NTRK3: variants seen among roughly 807,000 people sequenced by gnomAD.
NTRK3 encodes NT-3 growth factor receptor.
NTRK3 carries 24 observed loss-of-function variants against 91.7 expected under a neutral mutation model. The observed-to-expected ratio is 0.26, with a 90% CI of 0.19 to 0.37. The LOEUF (loss-of-function observed/expected upper bound fraction) is 0.37. Among genes scored for constraint, NTRK3 ranks in the 10% least tolerant of loss-of-function variants. The pLI, the probability that NTRK3 is intolerant of heterozygous loss-of-function variation, is 1.00. For missense variants in NTRK3, 880 were observed against 1,068.9 expected (o/e 0.82, Z 2.46); for synonymous variants, 483 against 404.0 (o/e 1.20, Z -2.34).
exon 19 of NTRK3, chr15:87,875,597 G>A (rs899677788): frequency 4.3e-5 from 10 of 232,644 alleles, no homozygotes; most frequent in South Asian, 1.8e-4. Flanking sequence ...CAGCCCCTGC[G>A]TTTTCACAAC....
intron 3 of NTRK3, among the ~76,000 whole-genome samples, chr15:88,254,484 G>A (rs907259776): frequency 6.6e-6 from 1 of 152,118 alleles, no homozygotes; most frequent in African/African-American, 2.4e-5. Flanking sequence ...CCTGGGCCAG[G>A]AGTCAGAGAC....
chr15:88,109,288 C>T (rs1567426858), intron 13 of NTRK3, among the ~76,000 whole-genome samples: 1 of 152,174 alleles, frequency 6.6e-6, no homozygotes, highest in African/African-American at 2.4e-5. Context: ...GGCGTTCAGT[C>T]ACCTCACCAA....
chr15:88,076,092 G>A (rs1026850160), intron 13 of NTRK3, among the ~76,000 whole-genome samples: 5 of 152,152 alleles, frequency 3.3e-5, no homozygotes, highest in South Asian at 2.1e-4. Flanking sequence ...CTGAGACTGC[G>A]TAATTTATAA....
chr15:87,963,962 G>T (rs1281853725), intron 14 of NTRK3, among the ~76,000 whole-genome samples: 1 of 152,080 alleles, frequency 6.6e-6, no homozygotes, highest in Non-Finnish European at 1.5e-5. Context: ...CTGTTGTGAA[G>T]AAATTAAATA....
At chr15:88,183,922 G>A (rs149332713) in intron 4 of NTRK3, among the ~76,000 whole-genome samples, 38 of 152,294 alleles carry the variant, frequency 2.5e-4, no homozygotes, top group African/African-American at 8.4e-4. Flanking sequence ...ATAAGGGTAG[G>A]GAAAGGACAC....
chr15:88,149,622 A>G (rs940121226), intron 5 of NTRK3, among the ~76,000 whole-genome samples: 1 of 152,218 alleles, frequency 6.6e-6, no homozygotes, highest in African/African-American at 2.4e-5. Flanking sequence ...GAAAGGTGTG[A>G]TAAAAGAAGA....
At chr15:88,123,178 A>G (rs2052916808) in intron 13 of NTRK3, among the ~76,000 whole-genome samples, 1 of 152,250 alleles carries the variant, frequency 6.6e-6, no homozygotes, top group Non-Finnish European at 1.5e-5. Context: ...GCCTTTTTAT[A>G]TGCCAGTTAC....
chr15:88,058,624 C>T (rs1268242498), intron 13 of NTRK3, among the ~76,000 whole-genome samples: 1 of 152,108 alleles, frequency 6.6e-6, no homozygotes, highest in Non-Finnish European at 1.5e-5. Context: ...AATGCCCGTT[C>T]CTGAGAACAG....
intron 6 of NTRK3, among the ~76,000 whole-genome samples, chr15:88,138,101 TC>T (rs1319981305): frequency 6.6e-6 from 1 of 151,480 alleles, no homozygotes; most frequent in African/African-American, 2.4e-5. Flanking sequence ...GTCTAAGAGA[TC>T]CTTTTAAAGA....
At chr15:88,147,949 G>A (rs997906091) in intron 5 of NTRK3, among the ~76,000 whole-genome samples, 1 of 152,178 alleles carries the variant, frequency 6.6e-6, no homozygotes, top group Non-Finnish European at 1.5e-5. Flanking sequence ...AGGATGTACA[G>A]GGGAAAGGAG....
chr15:87,928,527 C>T (rs2068520666), intron 17 of NTRK3: 1 of 153,502 alleles, frequency 6.5e-6, no homozygotes, highest in Non-Finnish European at 1.5e-5. Context: ...AAGCAGATGA[C>T]TATATGAAGG....
At chr15:87,917,984 A>T (rs1438068312) in intron 17 of NTRK3, among the ~76,000 whole-genome samples, 1 of 126,892 alleles carries the variant, frequency 7.9e-6, no homozygotes, top group Non-Finnish European at 1.6e-5. Flanking sequence ...CCTCCATTTC[A>T]CTGTTTTTTT....
At chr15:88,039,096 C>A (rs904980981) in intron 13 of NTRK3, among the ~76,000 whole-genome samples, 79 of 147,904 alleles carry the variant, frequency 5.3e-4, no homozygotes, top group African/African-American at 1.9e-3. Flanking sequence ...AGGAGTCAAG[C>A]TTTGATGTCT....
chr15:88,058,738 G>C (rs1463972441), intron 13 of NTRK3, among the ~76,000 whole-genome samples: 1 of 152,174 alleles, frequency 6.6e-6, no homozygotes, highest in African/African-American at 2.4e-5. Context: ...ATGGCTGGAA[G>C]AGTCTGAAGC....
At position 88,241,784 on chromosome 15, in the gene NTRK3, G is replaced by A. The variant is rs1256648744; in HGVS notation, c.248+14122C>T. ...TCCACAGCCCTCTGACTTTTCTGCCGAGAACATGGCCCCGGGAATGGACGG... is the reference window on the plus strand; with the variant it reads ...TCCACAGCCCTCTGACTTTTCTGCCAAGAACATGGCCCCGGGAATGGACGG... On this transcript the variant is annotated intron_variant, in intron 3 of 18. Coordinates refer to ENST00000394480, the Ensembl canonical transcript of NTRK3. This position sits in a 1 kb window ranked among gnomAD's most constrained non-coding sequence, Gnocchi z 4.3. 6.6e-6 allele frequency among the ~76,000 whole-genome samples: 1 copy of A among 152,176 alleles called. No homozygotes were observed. Among genetic ancestry groups the A allele is most frequent in the East Asian group, 1.9e-4 (1 of 5,192 alleles).
intron 14 of NTRK3, among the ~76,000 whole-genome samples, chr15:88,022,331 C>T (rs76464874): frequency 0.014 from 2,105 of 152,282 alleles, 21 homozygotes; most frequent in Non-Finnish European, 0.022. Flanking sequence ...TTTGGCTTTA[C>T]GCCCAAGCTG....
chr15:87,953,970 G>A (rs2071401824), intron 14 of NTRK3, among the ~76,000 whole-genome samples: 2 of 150,780 alleles, frequency 1.3e-5, no homozygotes, highest in African/African-American at 4.9e-5. Flanking sequence ...GTTCTTTGCT[G>A]CCTTCTGCAG....
exon 19 of NTRK3, chr15:87,870,252 C>T (rs981894583): frequency 4.8e-5 from 9 of 185,656 alleles, no homozygotes; most frequent in African/African-American, 2.1e-4. Flanking sequence ...ACTACTCATC[C>T]ATAAAAAGGA....
chr15:87,900,659 C>T (rs529025292), intron 17 of NTRK3, among the ~76,000 whole-genome samples: 12 of 151,882 alleles, frequency 7.9e-5, no homozygotes, highest in African/African-American at 2.9e-4. Flanking sequence ...CTTCCTAACA[C>T]CTGCAGCATC....
Sources: allele counts gnomAD v4.1 joint callset (sites outside exome capture counted in the v4.1 genomes callset), GRCh38; gene constraint gnomAD v4.1.1; non-coding constraint Gnocchi (gnomAD v3.1); transcripts MANE v1.5; gene names NCBI Gene and HGNC (gene_info 2026-07-23, HGNC 2026-07-21).